The following ATG16L1 variants were observed in gnomAD, a reference collection of about 807,000 sequenced individuals.
The protein encoded by ATG16L1 is autophagy related 16 like 1.
In ATG16L1, 37 loss-of-function variants were observed where a neutral mutation model predicts 88.5. That is an observed-to-expected ratio of 0.42 (90% confidence interval 0.32 to 0.55). The LOEUF is 0.55. ATG16L1 is among the 20% of genes least tolerant of loss of function. The pLI is 0.13. For missense variants in ATG16L1, 554 were observed against 752.8 expected (o/e 0.74, Z 3.09); for synonymous variants, 301 against 281.0 (o/e 1.07, Z -0.71).
Position 233,273,795 on chromosome 2 carries a change from T to C in ATG16L1, c.851+18T>C. 1 of 1,611,882 alleles carries C rather than the reference T, an allele frequency of 6.2e-7. No individual in the cohort carries two copies. The highest frequency in any genetic ancestry group is 1.3e-5 in the African/African-American group (1 of 74,926). ...ATCTTTGGGTAGGTTAGAAGACCTT[T>C]CCTTTTTAAATGTGTATAAGTATAC... is the stretch of plus-strand genomic sequence containing the variant. On this transcript the variant is annotated intron_variant, in intron 8 of 17. Coordinates refer to ENST00000392017, the MANE Select transcript of ATG16L1 (RefSeq NM_030803.7).
intron 1 of ATG16L1, among the ~76,000 whole-genome samples, chr2:233,253,340 GTTTTTTTT>G: frequency 9.2e-6 from 1 of 108,660 alleles, no homozygotes; most frequent in South Asian, 2.9e-4. Context: ...GGGTTTTTTT[GTTTTTTTT>G]TTTTTTTTTT....
Position 233,281,124 on chromosome 2 carries a change from T to G in ATG16L1, c.1080T>G (p.Gly360=). 6.2e-7 allele frequency: 1 copy of G among 1,604,436 alleles called. No homozygotes were observed. The highest frequency in any genetic ancestry group is 8.5e-7 in the Non-Finnish European group (1 of 1,177,302). The stretch of plus-strand genomic sequence containing the variant: ...ATACAGAAAAATGTGAGTTCAAGGG[T>G]TCCCTATCTGGCAGTAATGCAGGAA... ...EVFGEKCEFK[G]SLSGSNAGIT... is the part of the protein sequence containing the mutation. Residue 360 remains glycine (G), a synonymous_variant, in exon 11 of 18, where the codon GGT becomes GGG. Coordinates refer to ENST00000392017, the MANE Select transcript of ATG16L1 (RefSeq NM_030803.7).
rs1699520723 is a variant in ATG16L1 at position 233,292,391 on chromosome 2, C to T, written c.1585C>T (p.Pro529Ser). Residue 529 changes from proline to serine, a missense_variant, in exon 16 of 18, where the codon CCT becomes TCT. Physicochemically the swap from Pro to Ser is moderately conservative, Grantham distance 74. Transcript: ENST00000392017. ...TNAIKQTFSA[P>S]GFKCGSDWTR... Reference sequence around the variant, plus strand: ...GTGCCCTGTTGTTTGTTTCAGTGCACCTGGGTTCAAGTGCGGCTCTGACTG... The same window carrying T: ...GTGCCCTGTTGTTTGTTTCAGTGCATCTGGGTTCAAGTGCGGCTCTGACTG... The T allele has an allele frequency of 2.5e-6, 4 of 1,613,564 alleles. No individual in the cohort carries two copies. Among genetic ancestry groups the T allele is most frequent in the Admixed American group, 3.3e-5 (2 of 60,010 alleles).
chr2:233,286,506 G>A (rs1699084039), intron 12 of ATG16L1, among the ~76,000 whole-genome samples: 1 of 151,848 alleles, frequency 6.6e-6, no homozygotes, highest in African/African-American at 2.4e-5. Flanking sequence ...TGATAGAGGT[G>A]AATGAATGCC....
At chr2:233,287,399 C>T (rs976877697) in intron 12 of ATG16L1, among the ~76,000 whole-genome samples, 11 of 152,130 alleles carry the variant, frequency 7.2e-5, no homozygotes, top group African/African-American at 2.7e-4. Context: ...TTTCATCTTA[C>T]AATGTGTTTG....
intron 7 of ATG16L1, 66 bp from the exon 8 acceptor site, chr2:233,273,655 G>A: frequency 6.7e-7 from 1 of 1,492,814 alleles, no homozygotes; most frequent in Non-Finnish European, 9.3e-7. Flanking sequence ...TTTGTGGGCT[G>A]TTTATTGATT....
chr2:233,272,968 A>T lies in ATG16L1; in HGVS notation c.710A>T (p.Asp237Val), dbSNP rs756750758. 6.2e-7 allele frequency: 1 copy of T among 1,613,680 alleles called. No individual in the cohort carries two copies. Among genetic ancestry groups the T allele is most frequent in the South Asian group, 1.1e-5 (1 of 91,060 alleles). ...GAATGTCTTGCCTTTCTTTCCAGGG[A>T]TGATGACATTGAGGTCATTGTGGAT... The part of the protein sequence containing the change: ...AAKEPLPVEQ[D>V]DDIEVIVDET... Residue 237 changes from aspartate to valine, a missense_variant and splice_region_variant, in exon 7 of 18, where the codon GAT (aspartate) becomes GTT (valine). Asp to Val is a radical substitution (Grantham distance 152). Coordinates refer to ENST00000392017, the MANE Select transcript of ATG16L1 (RefSeq NM_030803.7).
At chr2:233,271,364 C>T (rs891555734) in intron 6 of ATG16L1, among the ~76,000 whole-genome samples, 2 of 152,202 alleles carry the variant, frequency 1.3e-5, no homozygotes, top group Non-Finnish European at 2.9e-5. Context: ...CTGCAACCTC[C>T]GCCTCCCAGG....
chr2:233,252,810 A>G (rs1022328058), intron 1 of ATG16L1, among the ~76,000 whole-genome samples: 2 of 152,144 alleles, frequency 1.3e-5, no homozygotes, highest in Non-Finnish European at 2.9e-5. Flanking sequence ...AGGGTACAAA[A>G]ATGTTTGTAC....
chr2:233,279,335 A>C (rs553107593), intron 10 of ATG16L1, among the ~76,000 whole-genome samples: 2 of 146,826 alleles, frequency 1.4e-5, no homozygotes, highest in Non-Finnish European at 3.0e-5. Context: ...AGAGGTACCA[A>C]CCTTTAATTC....
intron 11 of ATG16L1, 37 bp from the exon 12 acceptor site, chr2:233,282,645 G>T: frequency 1.3e-6 from 2 of 1,563,546 alleles, no homozygotes; most frequent in South Asian, 2.2e-5. Context: ...CCTCTGATTT[G>T]GCTAAAAATT....
intron 12 of ATG16L1, among the ~76,000 whole-genome samples, chr2:233,285,773 A>T (rs2125282928): frequency 6.6e-6 from 1 of 152,258 alleles, no homozygotes; most frequent in East Asian, 1.9e-4. Flanking sequence ...GGAGGACAGG[A>T]ATCCATTCAT....
intron 1 of ATG16L1, among the ~76,000 whole-genome samples, chr2:233,255,037 G>C (rs6705964): frequency 0.44 from 66,234 of 151,850 alleles, 15,145 homozygotes; most frequent in Non-Finnish European, 0.52. Flanking sequence ...GCAGTGGCGC[G>C]ATCTCAGCTC....
At chr2:233,275,289 T>C (rs1430785131) in intron 9 of ATG16L1, 1 of 218,316 alleles carries the variant, frequency 4.6e-6, no homozygotes, top group Non-Finnish European at 9.3e-6. Flanking sequence ...TGGGTCCTAG[T>C]ACTAGCAGGT....
At chr2:233,278,667 T>A (rs1301886994) in intron 10 of ATG16L1, among the ~76,000 whole-genome samples, 8 of 152,186 alleles carry the variant, frequency 5.3e-5, no homozygotes, top group Non-Finnish European at 1.0e-4. Flanking sequence ...GCTCTTACTG[T>A]AGCCTTCTCT....
At chr2:233,266,762 T>A (rs895243703) in intron 5 of ATG16L1, among the ~76,000 whole-genome samples, 4 of 152,088 alleles carry the variant, frequency 2.6e-5, no homozygotes, top group African/African-American at 9.7e-5. Context: ...ATAAAGAAAA[T>A]GTGCTGTACA....
At chr2:233,278,660 C>T (rs987887103) in intron 10 of ATG16L1, among the ~76,000 whole-genome samples, 1 of 152,174 alleles carries the variant, frequency 6.6e-6, no homozygotes, top group Non-Finnish European at 1.5e-5. Context: ...ATTCCATGCT[C>T]TTACTGTAGC....
chr2:233,289,408 T>TGTGTGTGTGTGTGTGAGAGA (rs144316394), intron 12 of ATG16L1, among the ~76,000 whole-genome samples: 32 of 149,536 alleles, frequency 2.1e-4, no homozygotes, highest in African/African-American at 7.7e-4. Flanking sequence ...TGTGTGTGTG[T>TGTGTGTGTGTGTGTGAGAGA]GACAGGATCT....
chr2:233,257,176 C>T (rs899551361), intron 2 of ATG16L1, among the ~76,000 whole-genome samples: 7 of 152,136 alleles, frequency 4.6e-5, no homozygotes, highest in African/African-American at 1.7e-4. Context: ...ACCACAGGCA[C>T]CCGCCACCAC....
Sources: gnomAD v4.1 joint callset for allele counts (sites outside exome capture counted in the v4.1 genomes callset) on GRCh38, gnomAD v4.1.1 for gene constraint, MANE v1.5 for transcripts, NCBI Gene and HGNC (gene_info 2026-07-23, HGNC 2026-07-21) for gene names.